The following CTNNA3 variants were observed in gnomAD, a reference collection of about 807,000 sequenced individuals.
CTNNA3 encodes the protein catenin alpha-3.
Under a neutral mutation model 95.7 loss-of-function variants are expected in CTNNA3, and 76 were observed. The observed-to-expected ratio is 0.79, with a 90% CI of 0.66 to 0.96. CTNNA3 has a LOEUF of 0.96. Among genes scored for constraint, CTNNA3 ranks in the 40% least tolerant of loss-of-function variants. The pLI is 0.00. For synonymous variants in CTNNA3, 431 were observed against 374.4 expected (o/e 1.15, Z -1.74); for missense variants, 1,191 against 1,089.8 (o/e 1.09, Z -1.31).
At chr10:67,724,814 G>A (rs1454644288) in intron 1 of CTNNA3, among the ~76,000 whole-genome samples, 1 of 152,010 alleles carries the variant, frequency 6.6e-6, no homozygotes, top group African/African-American at 2.4e-5. Flanking sequence ...TGCCTTCATT[G>A]TAGGATCAGT....
At chr10:66,259,423 A>G (rs770226918) in intron 13 of CTNNA3, among the ~76,000 whole-genome samples, 27 of 152,180 alleles carry the variant, frequency 1.8e-4, no homozygotes, top group Non-Finnish European at 3.8e-4. Context: ...AGGGTCAAAG[A>G]TTTGACCAAG....
chr10:66,707,785 C>G (rs549376252), intron 9 of CTNNA3, among the ~76,000 whole-genome samples: 1 of 152,046 alleles, frequency 6.6e-6, no homozygotes, highest in African/African-American at 2.4e-5. Flanking sequence ...GTTAACTAAC[C>G]AGGCAACTAC....
At chr10:67,632,325 C>A (rs1174817763) in intron 2 of CTNNA3, among the ~76,000 whole-genome samples, 21 of 139,742 alleles carry the variant, frequency 1.5e-4, no homozygotes, top group Admixed American at 4.9e-4. Context: ...AAAAAAAAAA[C>A]ACTCCTTCTC....
intron 7 of CTNNA3, among the ~76,000 whole-genome samples, chr10:67,162,988 T>C (rs1861613421): frequency 6.6e-6 from 1 of 151,958 alleles, no homozygotes; most frequent in African/African-American, 2.4e-5. Flanking sequence ...GTGGAATTCA[T>C]AATATAAAAA....
At chr10:66,354,190 A>G (rs2092589922) in intron 12 of CTNNA3, among the ~76,000 whole-genome samples, 1 of 151,804 alleles carries the variant, frequency 6.6e-6, no homozygotes, top group Admixed American at 6.6e-5. Context: ...AGGCTGAGGC[A>G]GGGAGAATCG....
chr10:66,466,033 A>T (rs1213909634), intron 11 of CTNNA3, among the ~76,000 whole-genome samples: 12 of 152,018 alleles, frequency 7.9e-5, no homozygotes, highest in Admixed American at 7.9e-4. Flanking sequence ...TTTTAAATTG[A>T]GGTTAGTTTT....
chr10:66,792,920 C>CT (rs967248074), intron 7 of CTNNA3, among the ~76,000 whole-genome samples: 6 of 151,980 alleles, frequency 3.9e-5, no homozygotes, highest in Admixed American at 6.6e-5. Flanking sequence ...TCAATTATGG[C>CT]TTTTTATTGG....
At chr10:66,104,847 T>C (rs893544980) in intron 13 of CTNNA3, among the ~76,000 whole-genome samples, 2 of 152,200 alleles carry the variant, frequency 1.3e-5, no homozygotes, top group African/African-American at 4.8e-5. Flanking sequence ...CACACAGACA[T>C]TCTGTTTATT....
chr10:67,714,750 C>A (rs1316470769), intron 1 of CTNNA3, among the ~76,000 whole-genome samples: 1 of 152,126 alleles, frequency 6.6e-6, no homozygotes, highest in Non-Finnish European at 1.5e-5. Flanking sequence ...TCTTGAATTC[C>A]CACATATTGT....
Position 67,032,785 on chromosome 10 carries a change from T to C in CTNNA3, c.1047+147532A>G, listed in dbSNP as rs188808240. On this transcript the variant is annotated intron_variant, in intron 7 of 17. Transcript: ENST00000433211. ...CAAAAGCAATTTTCCTTTTTTTATGTGTTCTCAGTTCAATTAGCTCCCCTA... is the reference window on the plus strand; with the variant it reads ...CAAAAGCAATTTTCCTTTTTTTATGCGTTCTCAGTTCAATTAGCTCCCCTA... Among the ~76,000 whole-genome samples the C allele has an allele frequency of 4.6e-3, 704 of 152,322 alleles. 7 individuals are homozygous for C. The highest frequency in any genetic ancestry group is 0.03 in the South Asian group (143 of 4,830).
At chr10:67,371,231 T>C (rs1411525839) in intron 5 of CTNNA3, among the ~76,000 whole-genome samples, 4 of 151,124 alleles carry the variant, frequency 2.6e-5, no homozygotes, top group African/African-American at 4.9e-5. Context: ...TATATATACA[T>C]ATTTTTTTTC....
intron 14 of CTNNA3, chr10:66,098,523 T>C (rs1372211182): frequency 6.6e-6 from 1 of 152,214 alleles, no homozygotes; most frequent in Non-Finnish European, 1.5e-5. Flanking sequence ...ACTGCTCTGT[T>C]TAAATAGAAA....
At chr10:67,254,191 G>T (rs1866235755) in intron 5 of CTNNA3, among the ~76,000 whole-genome samples, 1 of 151,970 alleles carries the variant, frequency 6.6e-6, no homozygotes, top group African/African-American at 2.4e-5. Context: ...GCTCATAAAA[G>T]AAATGCCCCA....
intron 5 of CTNNA3, among the ~76,000 whole-genome samples, chr10:67,385,815 G>A (rs1012338386): frequency 2.0e-5 from 3 of 151,186 alleles, no homozygotes; most frequent in African/African-American, 7.3e-5. Context: ...GTGCCTGGTG[G>A]GGATATACCC....
chr10:67,594,251 A>G (rs1449752685), intron 3 of CTNNA3, among the ~76,000 whole-genome samples: 2 of 152,168 alleles, frequency 1.3e-5, no homozygotes, highest in Non-Finnish European at 2.9e-5. Flanking sequence ...TTTTGGTGTC[A>G]GAGTGTTGCT....
At chr10:66,788,548 G>A (rs1400465605) in intron 7 of CTNNA3, among the ~76,000 whole-genome samples, 2 of 152,188 alleles carry the variant, frequency 1.3e-5, no homozygotes, top group African/African-American at 4.8e-5. Flanking sequence ...GTGTGGCTCA[G>A]AGAGCCAGTA....
intron 7 of CTNNA3, among the ~76,000 whole-genome samples, chr10:67,002,359 G>A (rs1006072614): frequency 1.3e-5 from 2 of 152,062 alleles, no homozygotes; most frequent in African/African-American, 4.8e-5. Flanking sequence ...TAGGATCATT[G>A]TTTACATTCT....
chr10:65,921,376 C>A (rs1356879428), intron 17 of CTNNA3, among the ~76,000 whole-genome samples: 1 of 152,166 alleles, frequency 6.6e-6, no homozygotes, highest in Non-Finnish European at 1.5e-5. Flanking sequence ...TGCTAGCAAA[C>A]CCTTGCCAAA....
intron 7 of CTNNA3, among the ~76,000 whole-genome samples, chr10:66,991,527 G>A (rs372608699): frequency 6.6e-6 from 1 of 152,070 alleles, no homozygotes; most frequent in South Asian, 2.1e-4. Flanking sequence ...AAAACATTTT[G>A]TAGACTCAGT....
Sources: gnomAD v4.1 joint callset for allele counts (sites outside exome capture counted in the v4.1 genomes callset) on GRCh38, gnomAD v4.1.1 for gene constraint, MANE v1.5 for transcripts, NCBI Gene and HGNC (gene_info 2026-07-23, HGNC 2026-07-21) for gene names.